The following FHIT variants were observed in gnomAD, a reference collection of about 807,000 sequenced individuals.
FHIT encodes the protein fragile histidine triad diadenosine triphosphatase, also known as bis(5'-adenosyl)-triphosphatase.
In FHIT, 19 loss-of-function variants were observed where a neutral mutation model predicts 17.9. The observed-to-expected ratio is 1.06, with a 90% CI of 0.74 to 1.56. The LOEUF is 1.56. Among genes scored for constraint, FHIT ranks in the 40% most tolerant of loss-of-function variants. The pLI is 0.00. For missense variants in FHIT, 248 were observed against 189.2 expected, an observed-to-expected ratio of 1.31 and a Z score of -1.82; for synonymous variants, 81 against 69.7, an observed-to-expected ratio of 1.16 and a Z score of -0.81.
At chr3:60,247,445 TGAA>T (rs752721286) in intron 5 of FHIT, among the ~76,000 whole-genome samples, 19 of 151,664 alleles carry the variant, frequency 1.3e-4, no homozygotes, top group African/African-American at 2.9e-4. Flanking sequence ...AAGATGAAGA[TGAA>T]GAAGAAGAAG....
chr3:59,993,954 C>A (rs1266133346), intron 7 of FHIT, among the ~76,000 whole-genome samples: 1 of 152,000 alleles, frequency 6.6e-6, no homozygotes, highest in Non-Finnish European at 1.5e-5. Context: ...CTGAGTTATA[C>A]CATATTCTAG....
At chr3:60,207,311 G>C (rs1703242777) in intron 5 of FHIT, among the ~76,000 whole-genome samples, 1 of 152,032 alleles carries the variant, frequency 6.6e-6, no homozygotes, top group African/African-American at 2.4e-5. Flanking sequence ...CAAAATATAA[G>C]ACAGCCATCT....
At chr3:60,557,424 T>G (rs1302595207) in intron 4 of FHIT, among the ~76,000 whole-genome samples, 2 of 151,372 alleles carry the variant, frequency 1.3e-5, no homozygotes, top group Non-Finnish European at 1.5e-5. Flanking sequence ...ATAGACATGA[T>G]GTCAAGAAAG....
intron 2 of FHIT, among the ~76,000 whole-genome samples, chr3:61,077,565 C>G (rs9826449): frequency 0.062 from 9,456 of 152,130 alleles, 990 homozygotes; most frequent in African/African-American, 0.21. Flanking sequence ...CCTACTTCCT[C>G]CCCACTGATC....
At chr3:60,825,404 T>C (rs1309639531) in intron 3 of FHIT, among the ~76,000 whole-genome samples, 3 of 152,200 alleles carry the variant, frequency 2.0e-5, no homozygotes, top group Non-Finnish European at 4.4e-5. Context: ...ATAAATGTCA[T>C]GGGCAGAAAA....
At chr3:61,222,640 G>GA (rs1366991445) in intron 1 of FHIT, among the ~76,000 whole-genome samples, 7 of 152,088 alleles carry the variant, frequency 4.6e-5, no homozygotes, top group African/African-American at 1.4e-4. Context: ...AACAAAGGAT[G>GA]AAAAGAAAAA....
chr3:61,220,506 C>G (rs934531424), intron 1 of FHIT, among the ~76,000 whole-genome samples: 21 of 152,152 alleles, frequency 1.4e-4, no homozygotes, highest in African/African-American at 4.8e-4. Flanking sequence ...TTCTGAAACT[C>G]AGATACATTT....
At chr3:60,942,027 G>A (rs573685039) in intron 3 of FHIT, among the ~76,000 whole-genome samples, 7 of 152,066 alleles carry the variant, frequency 4.6e-5, no homozygotes, top group African/African-American at 9.6e-5. Flanking sequence ...TTGCACTGTC[G>A]CCCAGGGTGG....
chr3:59,912,077 C>T (rs973856373), intron 8 of FHIT, among the ~76,000 whole-genome samples: 2 of 152,120 alleles, frequency 1.3e-5, no homozygotes, highest in African/African-American at 4.8e-5. Context: ...CTGCCTATGC[C>T]TCCGTTTCTA....
rs116213098 is a variant in FHIT, at chr3:60,383,966, C to A, written c.103+152894G>T. 8.5e-3 allele frequency among the ~76,000 whole-genome samples: 1,297 copies of A among 152,162 alleles called. 22 individuals carry two copies. The highest frequency in any genetic ancestry group is 0.03 in the African/African-American group (1,253 of 41,516). On this transcript the variant is annotated intron_variant, in intron 5 of 9. Transcript: ENST00000492590. Reference sequence around the variant, plus strand: ...TCTGGAAAATGTTTATGTCAAAAATCAGCTTAAATTTTTGGAGATAGGACA... The same window carrying A: ...TCTGGAAAATGTTTATGTCAAAAATAAGCTTAAATTTTTGGAGATAGGACA...
intron 4 of FHIT, among the ~76,000 whole-genome samples, chr3:60,586,120 A>G (rs1427645541): frequency 6.6e-6 from 1 of 151,960 alleles, no homozygotes; most frequent in African/African-American, 2.4e-5. Flanking sequence ...CCACAGAGAA[A>G]GGGGGAAATC....
rs145494395 is a variant in FHIT, at chr3:61,113,002, ATTTG to A, written c.-163-70907_-163-70904del. On this transcript the variant is annotated intron_variant, in intron 2 of 9. Transcript: ENST00000492590. Reference sequence around the variant, plus strand: ...CTATCTTTGAACACTGTGTGTGTTTATTTGTTTGTTTGTTTGTTTGAGACAGAGT... The same window carrying A: ...CTATCTTTGAACACTGTGTGTGTTTATTTGTTTGTTTGTTTGAGACAGAGT... Among the ~76,000 whole-genome samples the A allele has an allele frequency of 8.0e-3, 1,217 of 151,594 alleles. 17 individuals are homozygous for A. The highest frequency in any genetic ancestry group is 0.027 in the African/African-American group (1,119 of 41,302).
chr3:60,948,943 C>G (rs537284988), intron 3 of FHIT, among the ~76,000 whole-genome samples: 1 of 152,040 alleles, frequency 6.6e-6, no homozygotes, highest in Non-Finnish European at 1.5e-5. Flanking sequence ...ATTTGTCTGG[C>G]ACATAACAGA....
intron 5 of FHIT, among the ~76,000 whole-genome samples, chr3:60,379,890 C>A (rs1210162938): frequency 6.6e-6 from 1 of 152,140 alleles, no homozygotes; most frequent in African/African-American, 2.4e-5. Context: ...TATTCTTTGA[C>A]CAGTAGTATC....
intron 2 of FHIT, among the ~76,000 whole-genome samples, chr3:61,088,004 T>G (rs1255696115): frequency 6.6e-6 from 1 of 152,190 alleles, no homozygotes; most frequent in Non-Finnish European, 1.5e-5. Context: ...TCTAGAGCAC[T>G]GCTATTTGAA....
rs558271085 is a variant in FHIT at position 61,044,414 on chromosome 3, G to C, written c.-163-2315C>G. 7.9e-5 allele frequency among the ~76,000 whole-genome samples: 12 copies of C among 152,260 alleles called. No individual in the cohort carries two copies. In the South Asian group the frequency reaches 2.5e-3, roughly 32 times the overall value. The stretch of plus-strand genomic sequence containing the variant: ...GAAGACCAAATGAATGAAATGAAGT[G>C]AGAAGAGAAGTTTAGAGAAAAAAGA... On this transcript the variant is annotated intron_variant, in intron 2 of 9. Coordinates refer to ENST00000492590, the MANE Select transcript of FHIT (RefSeq NM_002012.4).
At chr3:60,873,513 C>T (rs1704510520) in intron 3 of FHIT, among the ~76,000 whole-genome samples, 1 of 152,202 alleles carries the variant, frequency 6.6e-6, no homozygotes, top group Non-Finnish European at 1.5e-5. Flanking sequence ...TGCCCTTCTT[C>T]TACAGATGGG....
intron 4 of FHIT, among the ~76,000 whole-genome samples, chr3:60,628,538 C>G (rs2039354653): frequency 6.6e-6 from 1 of 152,176 alleles, no homozygotes; most frequent in South Asian, 2.1e-4. Flanking sequence ...GCATAAATTT[C>G]TCCACAGTCT....
intron 4 of FHIT, among the ~76,000 whole-genome samples, chr3:60,647,489 C>T (rs1055156032): frequency 2.0e-5 from 3 of 152,110 alleles, no homozygotes; most frequent in African/African-American, 4.8e-5. Context: ...CTCTGGTACT[C>T]GAGGCCCTCA....
Sources: gnomAD v4.1 joint callset for allele counts (sites outside exome capture counted in the v4.1 genomes callset) on GRCh38, gnomAD v4.1.1 for gene constraint, MANE v1.5 for transcripts, NCBI Gene and HGNC (gene_info 2026-07-23, HGNC 2026-07-21) for gene names.